COBL: variants seen among roughly 807,000 people sequenced by gnomAD.
The protein encoded by COBL is protein cordon-bleu.
In COBL, 51 loss-of-function variants were observed where a neutral mutation model predicts 98.8. That is an observed-to-expected ratio of 0.52 (90% confidence interval 0.41 to 0.65). The LOEUF (loss-of-function observed/expected upper bound fraction) is 0.65. Among genes scored for constraint, COBL ranks in the 30% least tolerant of loss-of-function variants. The pLI is 0.00. For synonymous variants in COBL, 634 were observed against 651.7 expected (o/e 0.97, Z 0.41); for missense variants, 1,617 against 1,617.5 (o/e 1.00, Z 0.01).
intron 2 of COBL, among the ~76,000 whole-genome samples, chr7:51,196,361 G>C (rs961658668): frequency 5.3e-5 from 8 of 152,162 alleles, no homozygotes; most frequent in Non-Finnish European, 8.8e-5. Flanking sequence ...CTTGATCGTG[G>C]TGGACAAGAT....
At chr7:51,314,699 T>C (rs1803365922) in intron 1 of COBL, among the ~76,000 whole-genome samples, 1 of 152,200 alleles carries the variant, frequency 6.6e-6, no homozygotes, top group Non-Finnish European at 1.5e-5. Context: ...AAGTTAAAAA[T>C]AATATGTCTA....
intron 1 of COBL, among the ~76,000 whole-genome samples, chr7:51,285,582 T>C (rs1800285090): frequency 6.6e-6 from 1 of 152,206 alleles, no homozygotes; most frequent in African/African-American, 2.4e-5. Context: ...TGGGTAAGAT[T>C]GTATGCTGAG....
chr7:51,078,245 G>A (rs1793280627), intron 7 of COBL, among the ~76,000 whole-genome samples: 1 of 152,142 alleles, frequency 6.6e-6, no homozygotes, highest in Non-Finnish European at 1.5e-5. Flanking sequence ...ACTCTTTAGT[G>A]GGGGCTTTCT....
intron 1 of COBL, among the ~76,000 whole-genome samples, chr7:51,290,494 T>A (rs1260558221): frequency 6.6e-6 from 1 of 152,190 alleles, no homozygotes; most frequent in Non-Finnish European, 1.5e-5. Context: ...TTCCTTTAAA[T>A]CTTGTCTTAA....
chr7:51,120,468 T>G (rs1244788817), intron 6 of COBL, among the ~76,000 whole-genome samples: 1 of 152,184 alleles, frequency 6.6e-6, no homozygotes, highest in Non-Finnish European at 1.5e-5. Context: ...TTTTTTAAAT[T>G]TTATCATTAA....
At chr7:51,080,589 A>C (rs76098767) in intron 7 of COBL, among the ~76,000 whole-genome samples, 8,882 of 152,272 alleles carry the variant, frequency 0.058, 456 homozygotes, top group East Asian at 0.32. Flanking sequence ...AGCTTCTGTG[A>C]GATGCCTGGT....
chr7:51,157,967 TA>T (rs1357806411), intron 5 of COBL, among the ~76,000 whole-genome samples: 1 of 152,236 alleles, frequency 6.6e-6, no homozygotes, highest in Admixed American at 6.5e-5. Context: ...TCTGTGTTGT[TA>T]ATGGACAGAC....
chr7:51,188,291 A>T (rs546815258), intron 4 of COBL, among the ~76,000 whole-genome samples: 2 of 152,368 alleles, frequency 1.3e-5, no homozygotes, highest in Admixed American at 1.3e-4. Context: ...GGTAGGGCTC[A>T]GGAGTGGACG....
chr7:51,025,061 C>T, intron 12 of COBL, 48 bp downstream of exon 12: 1 of 1,610,890 alleles, frequency 6.2e-7, no homozygotes, highest in Non-Finnish European at 8.5e-7. Flanking sequence ...TACGCTGCAC[C>T]TCCAACCCTC....
intron 1 of COBL, among the ~76,000 whole-genome samples, chr7:51,251,876 A>G (rs190783354): frequency 7.2e-5 from 11 of 152,274 alleles, no homozygotes; most frequent in Admixed American, 5.2e-4. Flanking sequence ...ACACACACAC[A>G]CAACCATTTT....
chr7:51,243,793 G>A, intron 1 of COBL, among the ~76,000 whole-genome samples: 1 of 151,958 alleles, frequency 6.6e-6, no homozygotes, highest in East Asian at 1.9e-4. Context: ...GGGAGGTCTT[G>A]GGGTGAAGGA....
At chr7:51,227,190 A>G (rs1484493688) in intron 1 of COBL, among the ~76,000 whole-genome samples, 1 of 152,070 alleles carries the variant, frequency 6.6e-6, no homozygotes, top group African/African-American at 2.4e-5. Context: ...AGTTGTAGAG[A>G]CGCCCCCTTT....
chr7:51,210,681 T>A lies in COBL; in HGVS notation c.245+9060A>T, dbSNP rs200453449. On this transcript the variant is annotated intron_variant, in intron 2 of 12. Coordinates refer to ENST00000265136, the MANE Select transcript of COBL (RefSeq NM_015198.5). ...CGTCTTATGATGTTTCCTGCAGGGT[T>A]TGAAACTTGGTGTGACCCTTCCCAG... Among the ~76,000 whole-genome samples, 15 of 152,314 alleles carry A rather than the reference T, an allele frequency of 9.8e-5. No individual in the cohort carries two copies. The East Asian group carries it at 2.7e-3, about 27-fold the overall frequency.
intron 6 of COBL, among the ~76,000 whole-genome samples, chr7:51,113,296 A>C (rs1017286742): frequency 1.3e-5 from 2 of 152,248 alleles, no homozygotes; most frequent in African/African-American, 4.8e-5. Flanking sequence ...CACATAAATA[A>C]GGAAGACTTA....
At chr7:51,031,389 T>C (rs1162407167) in intron 8 of COBL, 1 of 156,626 alleles carries the variant, frequency 6.4e-6, no homozygotes, top group Non-Finnish European at 1.4e-5. Context: ...AGGCCAAGCA[T>C]GTGCACGTGG....
At chr7:51,023,288 C>T (rs891704754) in intron 12 of COBL, among the ~76,000 whole-genome samples, 3 of 152,186 alleles carry the variant, frequency 2.0e-5, no homozygotes, top group African/African-American at 7.2e-5. Flanking sequence ...ATAAAGAAAA[C>T]CAAAGAGCCT....
At chr7:51,303,887 G>C (rs970059050) in intron 1 of COBL, among the ~76,000 whole-genome samples, 3 of 152,188 alleles carry the variant, frequency 2.0e-5, no homozygotes, top group African/African-American at 7.2e-5. Context: ...GTGGTCTGCA[G>C]AGCCGCCGAC....
At chr7:51,301,076 G>A (rs1041612760) in intron 1 of COBL, among the ~76,000 whole-genome samples, 2 of 152,146 alleles carry the variant, frequency 1.3e-5, no homozygotes, top group Non-Finnish European at 2.9e-5. Flanking sequence ...CGCACGCTGA[G>A]ATGAGGAGTG....
intron 7 of COBL, among the ~76,000 whole-genome samples, chr7:51,046,258 G>C (rs1789682735): frequency 6.6e-6 from 1 of 152,136 alleles, no homozygotes; most frequent in Non-Finnish European, 1.5e-5. Context: ...CGGAGTATAG[G>C]GTGGGGCAGG....
Sources: allele counts gnomAD v4.1 joint callset (sites outside exome capture counted in the v4.1 genomes callset), GRCh38; gene constraint gnomAD v4.1.1; transcripts MANE v1.5; gene names NCBI Gene and HGNC (gene_info 2026-07-23, HGNC 2026-07-21).